Variants in CORO2A observed in about 807,000 individuals in gnomAD.
CORO2A encodes the protein coronin 2A, also known as coronin-2A.
A neutral mutation model predicts 62.4 loss-of-function variants in CORO2A; 47 were observed. The ratio of observed to expected loss-of-function variants is 0.75; its 90% CI spans 0.60 to 0.96. The LOEUF (loss-of-function observed/expected upper bound fraction) is 0.96. Ranked by LOEUF, CORO2A falls within the 40% of genes least tolerant of loss-of-function variation. The pLI is 0.00. For missense variants in CORO2A, 610 were observed against 684.1 expected, an observed-to-expected ratio of 0.89 and a Z score of 1.21; for synonymous variants, 273 against 268.9, an observed-to-expected ratio of 1.02 and a Z score of -0.15.
chr9:98,140,249 C>T (rs1827547085), intron 2 of CORO2A, among the ~76,000 whole-genome samples: 1 of 152,134 alleles, frequency 6.6e-6, no homozygotes, highest in South Asian at 2.1e-4. Context: ...CAAATATTCC[C>T]GAGGTGCCCA....
chr9:98,128,135 C>A, intron 10 of CORO2A, 35 bp downstream of exon 10: 1 of 1,560,008 alleles, frequency 6.4e-7, no homozygotes, highest in South Asian at 1.1e-5. Context: ...ATGTTCCTGT[C>A]ACATTTGCCT....
intron 8 of CORO2A, among the ~76,000 whole-genome samples, chr9:98,129,581 C>T (rs1827375126): frequency 1.3e-5 from 2 of 152,316 alleles, no homozygotes; most frequent in South Asian, 2.1e-4. Context: ...ATGTTGCCTC[C>T]TCTGAGAAGC....
intron 2 of CORO2A, among the ~76,000 whole-genome samples, chr9:98,151,788 C>A (rs1827726969): frequency 6.6e-6 from 1 of 150,590 alleles, no homozygotes; most frequent in African/African-American, 2.5e-5. Context: ...TCTGGGGTTA[C>A]AGGCATGCAC....
intron 1 of CORO2A, among the ~76,000 whole-genome samples, chr9:98,163,613 T>C (rs1827916032): frequency 6.6e-6 from 1 of 152,140 alleles, no homozygotes; most frequent in Admixed American, 6.6e-5. Flanking sequence ...ACTGAAGTCA[T>C]GTTATGATGA....
At chr9:98,157,974 C>A (rs1401262072) in intron 1 of CORO2A, among the ~76,000 whole-genome samples, 2 of 152,136 alleles carry the variant, frequency 1.3e-5, no homozygotes, top group African/African-American at 4.8e-5. Flanking sequence ...CACATTGACC[C>A]CCATCTGCTG....
chr9:98,168,604 C>A (rs1009781269), intron 1 of CORO2A, among the ~76,000 whole-genome samples: 3 of 152,216 alleles, frequency 2.0e-5, no homozygotes, highest in African/African-American at 7.2e-5. Context: ...TGGACACTTA[C>A]ATAAGGTGAT....
At position 98,137,619 on chromosome 9, in the gene CORO2A, T is replaced by G. The variant is rs1283491410; in HGVS notation, c.271A>C (p.Asn91His). The G allele has an allele frequency of 1.2e-6, 2 of 1,614,222 alleles. No homozygotes were observed. Among genetic ancestry groups the G allele is most frequent in the South Asian group, 2.2e-5 (2 of 91,082 alleles). ...HRGNVLDVKW[N>H]PFDDFEIASC... The stretch of plus-strand genomic sequence containing the variant: ...GCGATCTCAAAATCATCAAAAGGGT[T>G]CCACTTGACATCCAAAACGTTGCCT... Residue 91 changes from asparagine (N) to histidine (H), a missense_variant, in exon 3 of 12, where the codon AAC becomes CAC. Physicochemically the swap from Asn to His is moderately conservative, Grantham distance 68 (BLOSUM62 1). Transcript: ENST00000375077.
chr9:98,139,183 T>A (rs1238946119), intron 2 of CORO2A, among the ~76,000 whole-genome samples: 3 of 151,334 alleles, frequency 2.0e-5, no homozygotes, highest in African/African-American at 7.3e-5. Context: ...CTTTTTGGAG[T>A]GACAAAATGA....
Position 98,181,739 on chromosome 9 carries a change from C to T in CORO2A, c.-1+10820G>A, listed in dbSNP as rs186944676. ...CCCACCCTTGCCTGCTCAGTCCCTA[C>T]TCATCTTTCAGATCTCAGCTCAAAG... On this transcript the variant is annotated intron_variant, in intron 1 of 11. Coordinates refer to ENST00000375077, the MANE Select transcript of CORO2A (RefSeq NM_052820.4). 2.6e-5 allele frequency among the ~76,000 whole-genome samples: 4 copies of T among 152,242 alleles called. No homozygotes were observed. In the East Asian group the frequency reaches 7.7e-4, roughly 29 times the overall value.
chr9:98,155,304 CT>C (rs1588003678), intron 2 of CORO2A, among the ~76,000 whole-genome samples: 1 of 148,630 alleles, frequency 6.7e-6, no homozygotes, highest in East Asian at 2.0e-4. Flanking sequence ...CTCGCCTTTC[CT>C]TTTGCTATTT....
At chr9:98,138,481 A>G (rs1346494236) in intron 2 of CORO2A, among the ~76,000 whole-genome samples, 3 of 152,204 alleles carry the variant, frequency 2.0e-5, no homozygotes, top group Non-Finnish European at 4.4e-5. Flanking sequence ...AGAAAGTGGA[A>G]ACAACCCAAA....
At position 98,122,460 on chromosome 9, in the gene CORO2A, A is replaced by G. The variant is rs1045107748; in HGVS notation, c.*2314T>C. 2.1e-4 allele frequency: 32 copies of G among 152,066 alleles called. No individual in the cohort carries two copies. The highest frequency in any genetic ancestry group is 2.9e-5 in the Non-Finnish European group (2 of 68,022). The allele number at this position is 152,066 out of a possible 1,614,324, so 9.4% of individuals were successfully genotyped here. A position where few individuals can be genotyped will look rare whatever the true frequency, so the allele number is the denominator to read the frequency against. On this transcript the variant is annotated 3_prime_UTR_variant, in exon 12 of 12. Coordinates refer to ENST00000375077, the MANE Select transcript of CORO2A (RefSeq NM_052820.4). ...CTCCAGAATCTAATCGCCCTGTGCA[A>G]TGGAGATCATCTGCCCCTCCTTGGT... is the stretch of plus-strand genomic sequence containing the variant.
chr9:98,134,014 AC>A lies in CORO2A; in HGVS notation c.468+791del, dbSNP rs1419829291. ...TGATCCTCCCACCTCAGCCTCTCAAACTGTTGGGATTACAGGTGTGAGCCAC... is the reference window on the plus strand; with the variant it reads ...TGATCCTCCCACCTCAGCCTCTCAAATGTTGGGATTACAGGTGTGAGCCAC... On this transcript the variant is annotated intron_variant, in intron 4 of 11. Coordinates refer to ENST00000375077, the MANE Select transcript of CORO2A (RefSeq NM_052820.4). 2.6e-5 allele frequency among the ~76,000 whole-genome samples: 4 copies of A among 152,034 alleles called. No homozygotes were observed. The East Asian group carries it at 7.7e-4, about 29-fold the overall frequency.
At chr9:98,183,063 T>C (rs961704691) in intron 1 of CORO2A, among the ~76,000 whole-genome samples, 1 of 152,242 alleles carries the variant, frequency 6.6e-6, no homozygotes, top group African/African-American at 2.4e-5. Flanking sequence ...AGGCCTAGCA[T>C]TCACCCTGGA....
intron 1 of CORO2A, among the ~76,000 whole-genome samples, chr9:98,171,267 G>A (rs888869908): frequency 1.3e-5 from 2 of 152,212 alleles, no homozygotes; most frequent in African/African-American, 4.8e-5. Flanking sequence ...GCCCGAGGCA[G>A]GGCTGAAGCT....
chr9:98,137,747 C>G (rs1371681393), intron 2 of CORO2A, 59 bp from the exon 3 acceptor site: 3 of 1,250,970 alleles, frequency 2.4e-6, no homozygotes, highest in African/African-American at 2.9e-5. Context: ...AGCATCTGGA[C>G]AGTCACATAG....
At chr9:98,151,880 G>A (rs865853400) in intron 2 of CORO2A, among the ~76,000 whole-genome samples, 3 of 146,640 alleles carry the variant, frequency 2.0e-5, no homozygotes, top group East Asian at 2.0e-4. Flanking sequence ...ACAGTGGCGC[G>A]ATCTCGACTC....
intron 2 of CORO2A, among the ~76,000 whole-genome samples, chr9:98,156,524 A>G (rs546618505): frequency 2.3e-4 from 35 of 152,350 alleles, no homozygotes; most frequent in African/African-American, 8.4e-4. Flanking sequence ...TTTATGGCCT[A>G]TAAATTATTT....
intron 1 of CORO2A, among the ~76,000 whole-genome samples, chr9:98,163,679 T>C (rs1268728424): frequency 1.3e-5 from 2 of 152,018 alleles, no homozygotes; most frequent in East Asian, 1.9e-4. Flanking sequence ...CTTCCTGCTA[T>C]GCAATATGCT....
Sources: gnomAD v4.1 joint callset for allele counts (sites outside exome capture counted in the v4.1 genomes callset) on GRCh38, gnomAD v4.1.1 for gene constraint, MANE v1.5 for transcripts, NCBI Gene and HGNC (gene_info 2026-07-23, HGNC 2026-07-21) for gene names.